CNGA1: variants seen among roughly 807,000 people sequenced by gnomAD.
The protein encoded by CNGA1 is cyclic nucleotide gated channel subunit alpha 1.
A neutral mutation model predicts 69.7 loss-of-function variants in CNGA1; 53 were observed. The ratio of observed to expected loss-of-function variants is 0.76; its 90% CI spans 0.61 to 0.96. The LOEUF (loss-of-function observed/expected upper bound fraction) is 0.96, where lower values mean the gene tolerates loss of function less well. Among genes scored for constraint, CNGA1 ranks in the 40% least tolerant of loss-of-function variants. The pLI, the probability that CNGA1 is intolerant of heterozygous loss-of-function variation, is 0.00. For missense variants in CNGA1, 739 were observed against 811.2 expected (o/e 0.91, Z 1.08); for synonymous variants, 249 against 283.5 (o/e 0.88, Z 1.22).
intron 3 of CNGA1, among the ~76,000 whole-genome samples, chr4:47,969,983 T>C (rs755561095): frequency 6.6e-6 from 1 of 152,108 alleles, no homozygotes; most frequent in African/African-American, 2.4e-5. Flanking sequence ...GGATATGTAA[T>C]AGATAAGTAA....
intron 3 of CNGA1, among the ~76,000 whole-genome samples, chr4:47,978,001 T>C (rs2110211774): frequency 6.6e-6 from 1 of 152,236 alleles, no homozygotes; most frequent in East Asian, 1.9e-4. Flanking sequence ...TAATTTTGTA[T>C]TTTTAGTAGA....
Position 47,937,446 on chromosome 4 carries a change from C to G in CNGA1, c.1036G>C (p.Val346Leu), listed in dbSNP as rs376177601. 6.2e-7 allele frequency: 1 copy of G among 1,614,068 alleles called. No individual in the cohort carries two copies. The highest frequency in any genetic ancestry group is 8.5e-7 in the Non-Finnish European group (1 of 1,180,014). The change falls in exon 11 of 11, where the codon GTA (valine) becomes CTA (leucine). Residue 346 changes from valine (V) to leucine (L), a missense_variant. Coordinates refer to ENST00000514170, the MANE Select transcript of CNGA1 (RefSeq NM_001379270.1). ...AGTGTAGACCAGTAAAGGCTGTATA[C>G]GTATTTTCTAGCCAAACGGCCAAAT... is the stretch of plus-strand genomic sequence containing the variant. ...PEFGRLARKY[V>L]YSLYWSTLTL... is the part of the protein sequence containing the mutation.
intron 2 of CNGA1, among the ~76,000 whole-genome samples, chr4:47,993,592 T>G (rs954342491): frequency 6.6e-6 from 1 of 152,166 alleles, no homozygotes; most frequent in Admixed American, 6.5e-5. Context: ...TCTTGGTTAA[T>G]CTTGCTCATG....
In CNGA1 at chr4:47,937,298, A is replaced by G. The variant is rs1560617220; in HGVS notation, c.1184T>C (p.Met395Thr). ...FATIVGNIGS[M>T]ISNMNAARAE... ...TCTGGCTGCATTCATGTTGGAAATC[A>G]TAGAACCTATGTTACCAACGATGGT... The change falls in exon 11 of 11, where the codon ATG becomes ACG. Residue 395 changes from methionine (M) to threonine (T), a missense_variant. By Grantham distance (81) the Met-to-Thr change is moderately conservative (BLOSUM62 -1). Transcript: ENST00000514170. 2 of 1,613,912 alleles carry G rather than the reference A, an allele frequency of 1.2e-6. No homozygotes were observed. The highest frequency in any genetic ancestry group is 1.3e-5 in the African/African-American group (1 of 74,944).
Position 47,936,311 on chromosome 4 carries a change from G to T in CNGA1, c.*110C>A. On this transcript the variant is annotated 3_prime_UTR_variant, in exon 11 of 11. Transcript: ENST00000514170. ...TTGCACCAAAGCACATTTTCCTCATGGAAAAATTTCCCAACTGAGTCTTCC... is the reference window on the plus strand; with the variant it reads ...TTGCACCAAAGCACATTTTCCTCATTGAAAAATTTCCCAACTGAGTCTTCC... The T allele has an allele frequency of 8.2e-7, 1 of 1,219,478 alleles. No homozygotes were observed. The highest frequency in any genetic ancestry group is 1.2e-6 in the Non-Finnish European group (1 of 841,102). The allele number at this position is 1,219,478 out of a possible 1,614,324, so 75.5% of individuals were successfully genotyped here. A position where few individuals can be genotyped will look rare whatever the true frequency, so the allele number is the denominator to read the frequency against.
intron 2 of CNGA1, among the ~76,000 whole-genome samples, chr4:47,994,198 G>T (rs936168793): frequency 5.9e-5 from 9 of 151,988 alleles, no homozygotes; most frequent in Non-Finnish European, 8.8e-5. Context: ...GTCCATTTGT[G>T]CCAGGGTATA....
At position 47,969,929 on chromosome 4, in the gene CNGA1, T is replaced by C. The variant is rs367878696; in HGVS notation, c.-15+11464A>G. On this transcript the variant is annotated intron_variant, in intron 3 of 10. Transcript: ENST00000514170. ...ATACAGATATTAACAAAATATATGATATATGCCTTCAAGAAATTAATACTA... is the reference window on the plus strand; with the variant it reads ...ATACAGATATTAACAAAATATATGACATATGCCTTCAAGAAATTAATACTA... Among the ~76,000 whole-genome samples, 150 of 152,272 alleles carry C rather than the reference T, an allele frequency of 9.9e-4. 1 individual carries two copies. In the South Asian group the frequency reaches 0.011, roughly 11 times the overall value.
At chr4:47,955,530 AT>A (rs1383318915) in intron 3 of CNGA1, among the ~76,000 whole-genome samples, 1 of 152,104 alleles carries the variant, frequency 6.6e-6, no homozygotes, top group African/African-American at 2.4e-5. Flanking sequence ...AGAACAGATT[AT>A]TACTAAGGTA....
At position 48,002,698 on chromosome 4, in the gene CNGA1, AAC is replaced by A. The variant is rs1311880061; in HGVS notation, c.-123+8094_-123+8095del. Among the ~76,000 whole-genome samples, 176 of 139,666 alleles carry A rather than the reference AAC, an allele frequency of 1.3e-3. 3 individuals carry two copies. The South Asian group carries it at 0.015, about 12-fold the overall frequency. 91.6% of individuals were successfully genotyped at this position (139,666 alleles called of 152,430 possible). ...GTCAGACATGCAAAAAAAAAAAAAA[AAC>A]AAAAACAAAAAACCCTGAAAAGATA... On this transcript the variant is annotated intron_variant, in intron 2 of 10. Coordinates refer to ENST00000514170, the MANE Select transcript of CNGA1 (RefSeq NM_001379270.1).
chr4:47,984,576 C>T (rs893587598), intron 2 of CNGA1, among the ~76,000 whole-genome samples: 1 of 151,326 alleles, frequency 6.6e-6, no homozygotes, highest in African/African-American at 2.4e-5. Context: ...CAAGATAGTG[C>T]TACTGCAGTA....
At chr4:48,005,040 A>T (rs1714853547) in intron 2 of CNGA1, among the ~76,000 whole-genome samples, 1 of 152,128 alleles carries the variant, frequency 6.6e-6, no homozygotes, top group Non-Finnish European at 1.5e-5. Flanking sequence ...TTGAAACATA[A>T]TTTTTCCTCT....
intron 3 of CNGA1, among the ~76,000 whole-genome samples, chr4:47,959,459 A>C (rs1740290062): frequency 6.6e-6 from 1 of 152,150 alleles, no homozygotes; most frequent in African/African-American, 2.4e-5. Context: ...CCTGCCTCAC[A>C]CCACCACAAA....
chr4:47,978,979 G>A (rs1741556653), intron 3 of CNGA1, among the ~76,000 whole-genome samples: 1 of 152,152 alleles, frequency 6.6e-6, no homozygotes, highest in South Asian at 2.1e-4. Context: ...ACCTATAACT[G>A]TAAGCACTTG....
chr4:47,984,703 T>TAA (rs1458977327), intron 2 of CNGA1, among the ~76,000 whole-genome samples: 2 of 148,326 alleles, frequency 1.3e-5, no homozygotes, highest in African/African-American at 5.0e-5. Flanking sequence ...CATATATATA[T>TAA]AATATATATA....
intron 2 of CNGA1, among the ~76,000 whole-genome samples, chr4:47,998,603 C>T (rs1578123442): frequency 2.0e-5 from 3 of 150,394 alleles, no homozygotes; most frequent in South Asian, 4.3e-4. Context: ...GGTGAAAACC[C>T]GTCTCTACTA....
At chr4:47,991,165 T>G (rs1429666429) in intron 2 of CNGA1, among the ~76,000 whole-genome samples, 1 of 152,216 alleles carries the variant, frequency 6.6e-6, no homozygotes, top group Non-Finnish European at 1.5e-5. Context: ...TTCCCCTGGG[T>G]AGATACCGAG....
intron 2 of CNGA1, among the ~76,000 whole-genome samples, chr4:47,994,178 T>C (rs1742385822): frequency 6.6e-6 from 1 of 152,172 alleles, no homozygotes; most frequent in South Asian, 2.1e-4. Context: ...GTTCTGTATA[T>C]ATCTGTTAAG....
intron 3 of CNGA1, among the ~76,000 whole-genome samples, chr4:47,971,758 G>A (rs1004053286): frequency 6.6e-6 from 1 of 152,160 alleles, no homozygotes; most frequent in Admixed American, 6.5e-5. Context: ...GCCGGGCATG[G>A]TGGCATGCGC....
At chr4:47,995,012 C>T (rs899465839) in intron 2 of CNGA1, among the ~76,000 whole-genome samples, 2 of 152,160 alleles carry the variant, frequency 1.3e-5, no homozygotes, top group African/African-American at 4.8e-5. Context: ...GATAGAATCC[C>T]TTCTAGCTTG....
Sources: allele counts gnomAD v4.1 joint callset (sites outside exome capture counted in the v4.1 genomes callset), GRCh38; gene constraint gnomAD v4.1.1; transcripts MANE v1.5; gene names NCBI Gene and HGNC (gene_info 2026-07-23, HGNC 2026-07-21).